GALNTL6: variants seen among roughly 807,000 people sequenced by gnomAD.
GALNTL6 encodes polypeptide N-acetylgalactosaminyltransferase like 6.
Under a neutral mutation model 73.7 loss-of-function variants are expected in GALNTL6, and 46 were observed. The ratio of observed to expected loss-of-function variants is 0.62; its 90% CI spans 0.49 to 0.80. The LOEUF (loss-of-function observed/expected upper bound fraction) is 0.80. Among genes scored for constraint, GALNTL6 ranks in the 30% least tolerant of loss-of-function variants. The probability of loss-of-function intolerance (pLI) is 0.00; values close to 1 mark genes in which losing one functional copy is unlikely to be tolerated. For synonymous variants in GALNTL6, 259 were observed against 263.7 expected (o/e 0.98, Z 0.17); for missense variants, 604 against 755.0 (o/e 0.80, Z 2.34).
intron 5 of GALNTL6, among the ~76,000 whole-genome samples, chr4:172,755,718 G>A (rs1445437129): frequency 6.6e-6 from 1 of 152,146 alleles, no homozygotes; most frequent in Non-Finnish European, 1.5e-5. Flanking sequence ...GTCAAATTTT[G>A]CAGGCTTTGG....
chr4:172,116,263 A>G (rs1009410075), intron 2 of GALNTL6, among the ~76,000 whole-genome samples: 1 of 152,190 alleles, frequency 6.6e-6, no homozygotes, highest in African/African-American at 2.4e-5. Flanking sequence ...TCAGGTTTTC[A>G]AAGGATCAAA....
At chr4:172,710,040 A>G (rs980881969) in intron 5 of GALNTL6, among the ~76,000 whole-genome samples, 10 of 152,216 alleles carry the variant, frequency 6.6e-5, no homozygotes, top group Middle Eastern at 3.2e-3. Flanking sequence ...AAGTAAACAT[A>G]TGAAAAGCAT....
chr4:172,404,337 A>G (rs549181516), intron 5 of GALNTL6, among the ~76,000 whole-genome samples: 1 of 152,182 alleles, frequency 6.6e-6, no homozygotes, highest in East Asian at 1.9e-4. Context: ...GATGAACACC[A>G]GCCATTATAA....
chr4:172,391,164 T>C (rs1471306665), intron 5 of GALNTL6, among the ~76,000 whole-genome samples: 3 of 152,212 alleles, frequency 2.0e-5, no homozygotes, highest in Non-Finnish European at 2.9e-5. Context: ...CTGAATAATT[T>C]ATAAGGAATA....
chr4:172,202,568 A>G (rs72701000), intron 2 of GALNTL6, among the ~76,000 whole-genome samples: 3,422 of 152,288 alleles, frequency 0.022, 45 homozygotes, highest in Non-Finnish European at 0.032. Flanking sequence ...ATTGGGTAGA[A>G]AGATTAAAAA....
chr4:172,564,135 A>T (rs1374770127), intron 5 of GALNTL6, among the ~76,000 whole-genome samples: 1 of 152,176 alleles, frequency 6.6e-6, no homozygotes, highest in African/African-American at 2.4e-5. Flanking sequence ...TTACACTTTT[A>T]TTCTTTAAGA....
Position 172,689,158 on chromosome 4 carries a change from CTT to C in GALNTL6, c.554-120201_554-120200del, listed in dbSNP as rs530866496. On this transcript the variant is annotated intron_variant, in intron 5 of 12. Coordinates refer to ENST00000506823, the MANE Select transcript of GALNTL6 (RefSeq NM_001034845.3). Reference sequence around the variant, plus strand: ...CCTAGAACTCTTCATTCTACTTACTCTTTACTAATCTGGAACCAGGATGAGAT... The same window carrying C: ...CCTAGAACTCTTCATTCTACTTACTCTACTAATCTGGAACCAGGATGAGAT... 1.7e-3 allele frequency among the ~76,000 whole-genome samples: 257 copies of C among 152,288 alleles called. 1 individual carries two copies. Among genetic ancestry groups the C allele is most frequent in the African/African-American group, 6.0e-3 (250 of 41,546 alleles).
chr4:172,110,397 A>C (rs1429467235), intron 2 of GALNTL6, among the ~76,000 whole-genome samples: 1 of 152,210 alleles, frequency 6.6e-6, no homozygotes, highest in African/African-American at 2.4e-5. Flanking sequence ...TCTTTTAAAG[A>C]AGATAGGATG....
intron 2 of GALNTL6, among the ~76,000 whole-genome samples, chr4:172,225,441 A>G (rs1273687179): frequency 1.3e-5 from 2 of 149,084 alleles, no homozygotes; most frequent in Non-Finnish European, 3.0e-5. Context: ...TACGGTGACC[A>G]TTGTGTCACA....
intron 10 of GALNTL6, among the ~76,000 whole-genome samples, chr4:172,992,142 T>C (rs1008502947): frequency 3.3e-5 from 5 of 152,232 alleles, no homozygotes; most frequent in African/African-American, 1.2e-4. Context: ...GCAATTTTAG[T>C]TATGTACCAG....
chr4:172,196,881 A>G (rs1282145819), intron 2 of GALNTL6, among the ~76,000 whole-genome samples: 1 of 152,184 alleles, frequency 6.6e-6, no homozygotes, highest in African/African-American at 2.4e-5. Context: ...AAACTGGCAG[A>G]TTTCAGAATG....
At chr4:172,103,477 G>C (rs1435779306) in intron 2 of GALNTL6, among the ~76,000 whole-genome samples, 2 of 152,122 alleles carry the variant, frequency 1.3e-5, no homozygotes, top group African/African-American at 4.8e-5. Flanking sequence ...GTTATAAAGG[G>C]ATGTACAGTC....
chr4:172,756,796 G>A (rs1370583), intron 5 of GALNTL6, among the ~76,000 whole-genome samples: 145,169 of 152,222 alleles, frequency 0.95, 69,589 homozygotes, highest in East Asian at 1. Context: ...AAAATATAAG[G>A]TTGACTTCTC....
At chr4:172,165,000 C>T (rs1346951530) in intron 2 of GALNTL6, among the ~76,000 whole-genome samples, 2 of 151,984 alleles carry the variant, frequency 1.3e-5, no homozygotes, top group Non-Finnish European at 2.9e-5. Context: ...CTTTTGCTGC[C>T]AAAGAGGATT....
At chr4:172,355,296 A>AT (rs1163714110) in intron 5 of GALNTL6, among the ~76,000 whole-genome samples, 1 of 152,096 alleles carries the variant, frequency 6.6e-6, no homozygotes, top group African/African-American at 2.4e-5. Flanking sequence ...GCAAATAGAC[A>AT]TTTTTTATGT....
intron 2 of GALNTL6, among the ~76,000 whole-genome samples, chr4:171,987,327 T>C (rs1740129295): frequency 6.6e-6 from 1 of 152,182 alleles, no homozygotes; most frequent in Non-Finnish European, 1.5e-5. Flanking sequence ...CCTGAAAAAC[T>C]GCTTGGCTGA....
intron 4 of GALNTL6, among the ~76,000 whole-genome samples, chr4:172,330,575 C>T (rs983330374): frequency 6.6e-6 from 1 of 152,234 alleles, no homozygotes; most frequent in Non-Finnish European, 1.5e-5. Flanking sequence ...GTAGCCCACA[C>T]TAGCAGCTTC....
chr4:172,793,532 A>G (rs1467003201), intron 5 of GALNTL6, among the ~76,000 whole-genome samples: 1 of 152,204 alleles, frequency 6.6e-6, no homozygotes, highest in Non-Finnish European at 1.5e-5. Flanking sequence ...TCCCGGGACC[A>G]TGGGAGACAC....
At chr4:172,549,654 A>G (rs886179496) in intron 5 of GALNTL6, among the ~76,000 whole-genome samples, 7 of 152,158 alleles carry the variant, frequency 4.6e-5, no homozygotes, top group African/African-American at 1.7e-4. Flanking sequence ...TTCATCTCCA[A>G]AATGTTCTCT....
Sources: allele counts gnomAD v4.1 joint callset (sites outside exome capture counted in the v4.1 genomes callset), GRCh38; gene constraint gnomAD v4.1.1; transcripts MANE v1.5; gene names NCBI Gene and HGNC (gene_info 2026-07-23, HGNC 2026-07-21).